The following OSBPL3 variants were observed in gnomAD, a reference collection of about 807,000 sequenced individuals.
The protein encoded by OSBPL3 is oxysterol binding protein like 3, also known as oxysterol-binding protein-related protein 3.
In OSBPL3, 65 loss-of-function variants were observed where a neutral mutation model predicts 120.1. The observed-to-expected ratio is 0.54, with a 90% CI of 0.44 to 0.67. The LOEUF (loss-of-function observed/expected upper bound fraction) is 0.67, where lower values mean the gene tolerates loss of function less well. OSBPL3 is among the 30% of genes least tolerant of loss of function. OSBPL3 has a pLI of 0.00. For missense variants in OSBPL3, 1,004 were observed against 1,082.1 expected, an observed-to-expected ratio of 0.93 and a Z score of 1.01; for synonymous variants, 416 against 402.6, an observed-to-expected ratio of 1.03 and a Z score of -0.40.
chr7:24,892,341 A>C (rs200161784), intron 2 of OSBPL3, 36 bp downstream of exon 2: 12 of 1,601,700 alleles, frequency 7.5e-6, no homozygotes, highest in Non-Finnish European at 1.0e-5. Context: ...GATGGCTTAC[A>C]TTTGCATATT....
At chr7:24,917,401 CATATATATATAT>C (rs59525014) in intron 1 of OSBPL3, among the ~76,000 whole-genome samples, 2 of 100,050 alleles carry the variant, frequency 2.0e-5, no homozygotes, top group South Asian at 4.5e-4. Flanking sequence ...ATATTTGTAA[CATATATATATAT>C]ATATATATAT....
chr7:24,854,044 T>C lies in OSBPL3; in HGVS notation c.1028-1410A>G, dbSNP rs1799505558. Among the ~76,000 whole-genome samples, 1 of 152,088 alleles carries C rather than the reference T, an allele frequency of 6.6e-6. No homozygotes were observed. Among genetic ancestry groups the C allele is most frequent in the Non-Finnish European group, 1.5e-5 (1 of 68,018 alleles). On this transcript the variant is annotated intron_variant, in intron 10 of 22. Transcript: ENST00000313367. The surrounding 1 kb of genome is among the most constrained non-coding windows in gnomAD (Gnocchi z 4.1). ...GGCCTCCAATGCCTGAACTGAAGTTTTAAAAAACATTAACACATACAGCAC... is the reference window on the plus strand; with the variant it reads ...GGCCTCCAATGCCTGAACTGAAGTTCTAAAAAACATTAACACATACAGCAC...
intron 15 of OSBPL3, among the ~76,000 whole-genome samples, chr7:24,832,052 A>T (rs535658081): frequency 1.1e-4 from 16 of 151,958 alleles, no homozygotes; most frequent in Non-Finnish European, 2.1e-4. Context: ...AAAAAATACA[A>T]AAGACATAGC....
intron 1 of OSBPL3, among the ~76,000 whole-genome samples, chr7:24,962,417 AGGGGAGGGGAGAGGAGAGAG>A (rs1815872246): frequency 2.8e-5 from 2 of 70,274 alleles, no homozygotes; most frequent in African/African-American, 1.1e-4. Flanking sequence ...AAGGGAGGGG[AGGGGAGGGGAGAGGAGAGAG>A]GAGGAGAGAG....
In OSBPL3 at chr7:24,979,652, G is replaced by A. The variant is rs111570984; in HGVS notation, c.-150+234C>T. Among the ~76,000 whole-genome samples, 29 of 152,204 alleles carry A rather than the reference G, an allele frequency of 1.9e-4. 1 individual carries two copies. Among genetic ancestry groups the A allele is most frequent in the African/African-American group, 6.5e-4 (27 of 41,538 alleles). The stretch of plus-strand genomic sequence containing the variant: ...CAATCCTCTGAGCCGTCCCTCGAGG[G>A]AAGGTGTCCTGGGGTGGGTGAGACC... On this transcript the variant is annotated intron_variant, in intron 1 of 22. Coordinates refer to ENST00000313367, the MANE Select transcript of OSBPL3 (RefSeq NM_015550.4).
chr7:24,893,091 A>T (rs539335389), intron 1 of OSBPL3, among the ~76,000 whole-genome samples: 2 of 152,346 alleles, frequency 1.3e-5, no homozygotes, highest in South Asian at 4.1e-4. Context: ...TAAACATAGA[A>T]TTATCATATG....
intron 1 of OSBPL3, among the ~76,000 whole-genome samples, chr7:24,920,373 G>C (rs1415309988): frequency 6.6e-6 from 1 of 152,148 alleles, no homozygotes; most frequent in Non-Finnish European, 1.5e-5. Flanking sequence ...CTAAGTGAAG[G>C]AGGACAGATT....
intron 17 of OSBPL3, 60 bp from the exon 18 acceptor site, chr7:24,816,748 C>T (rs961805620): frequency 5.7e-6 from 6 of 1,057,680 alleles, no homozygotes; most frequent in South Asian, 2.5e-5. Context: ...TGAAATAGTT[C>T]CTAGGCTAGA....
chr7:24,884,084 G>A (rs55757165), intron 2 of OSBPL3, among the ~76,000 whole-genome samples: 6,402 of 92,242 alleles, frequency 0.069, 153 homozygotes, highest in South Asian at 0.1. Context: ...AACAACAACA[G>A]CAACAACAAA....
At position 24,820,563 on chromosome 7, in the gene OSBPL3, A is replaced by G. The variant is rs575828779; in HGVS notation, c.1885-325T>C. Among the ~76,000 whole-genome samples, 5 of 152,338 alleles carry G rather than the reference A, an allele frequency of 3.3e-5. No homozygotes were observed. Among genetic ancestry groups the G allele is most frequent in the South Asian group, 4.1e-4 (2 of 4,830 alleles). On this transcript the variant is annotated intron_variant, in intron 16 of 22. Transcript: ENST00000313367. This position sits in a 1 kb window ranked among gnomAD's most constrained non-coding sequence, Gnocchi z 4.6. ...AAAATAAAAACGGAGACATGTGAGG[A>G]CTGCTCATCCATAACATATAATCTG...
chr7:24,947,932 G>A lies in OSBPL3; in HGVS notation c.-150+31954C>T, dbSNP rs146249390. Among the ~76,000 whole-genome samples, 2 of 152,096 alleles carry A rather than the reference G, an allele frequency of 1.3e-5. No homozygotes were observed. The highest frequency in any genetic ancestry group is 2.9e-5 in the Non-Finnish European group (2 of 68,010). On this transcript the variant is annotated intron_variant, in intron 1 of 22. Transcript: ENST00000313367. The surrounding 1 kb of genome is among the most constrained non-coding windows in gnomAD (Gnocchi z 4.4). ...TTCACTGTGTGCCAAAGATGCAAGA[G>A]ATTATATCACAGATTAAGCTTTAAG...
At chr7:24,861,872 T>G (rs1800589689) in intron 9 of OSBPL3, 103 bp from the exon 10 acceptor site, 2 of 791,538 alleles carry the variant, frequency 2.5e-6, no homozygotes, top group Non-Finnish European at 3.8e-6. Flanking sequence ...ACAAAACATT[T>G]TATAGGTAGG....
At position 24,806,624 on chromosome 7, in the gene OSBPL3, G is replaced by T; in HGVS notation, c.2444+152C>A. The T allele has an allele frequency of 1.6e-6, 1 of 631,904 alleles. No individual in the cohort carries two copies. The highest frequency in any genetic ancestry group is 2.7e-6 in the Non-Finnish European group (1 of 376,652). The allele number at this position is 631,904 out of a possible 1,614,324, so 39.1% of individuals were successfully genotyped here. A position where few individuals can be genotyped will look rare whatever the true frequency, so the allele number is the denominator to read the frequency against. On this transcript the variant is annotated intron_variant, in intron 21 of 22. Transcript: ENST00000313367. This position sits in a 1 kb window ranked among gnomAD's most constrained non-coding sequence, Gnocchi z 5.2. ...ATCCTAGTTGGGCCCCATCTCCTCC[G>T]TGATACAATTGTTTAAAGCATCCCC... is the stretch of plus-strand genomic sequence containing the variant.
At chr7:24,974,110 G>C (rs896004071) in intron 1 of OSBPL3, among the ~76,000 whole-genome samples, 1 of 151,858 alleles carries the variant, frequency 6.6e-6, no homozygotes. Context: ...GTTATCCTAC[G>C]GCGCTTCTCA....
Position 24,862,503 on chromosome 7 carries a change from T to C in OSBPL3, c.870+697A>G, listed in dbSNP as rs190265184. On this transcript the variant is annotated intron_variant, in intron 9 of 22. Coordinates refer to ENST00000313367, the MANE Select transcript of OSBPL3 (RefSeq NM_015550.4). This position sits in a 1 kb window ranked among gnomAD's most constrained non-coding sequence, Gnocchi z 4.4. Reference sequence around the variant, plus strand: ...TGACCTTCATTTGTACATGGAACATTCTTTACTTCCAAAGTGCTTATCTTC... The same window carrying C: ...TGACCTTCATTTGTACATGGAACATCCTTTACTTCCAAAGTGCTTATCTTC... Among the ~76,000 whole-genome samples the C allele has an allele frequency of 6.8e-4, 104 of 152,324 alleles. No individual in the cohort carries two copies. Among genetic ancestry groups the C allele is most frequent in the Admixed American group, 2.3e-3 (35 of 15,296 alleles).
rs143778263 is a variant in OSBPL3, at chr7:24,973,636, C to T, written c.-150+6250G>A. Among the ~76,000 whole-genome samples, 245 of 152,290 alleles carry T rather than the reference C, an allele frequency of 1.6e-3. 1 individual carries two copies. Among genetic ancestry groups the T allele is most frequent in the Middle Eastern group, 0.014 (4 of 294 alleles). ...ACTAAAGAAGCAATTCTTCACACTG[C>T]TATTCCATTTATTATTATAAAAGAA... On this transcript the variant is annotated intron_variant, in intron 1 of 22. Transcript: ENST00000313367.
In OSBPL3 at chr7:24,834,324, C is replaced by A; in HGVS notation, c.1746+162G>T. The A allele has an allele frequency of 6.8e-7, 1 of 1,464,656 alleles. No individual in the cohort carries two copies. Among genetic ancestry groups the A allele is most frequent in the Non-Finnish European group, 9.0e-7 (1 of 1,106,380 alleles). The allele number at this position is 1,464,656 out of a possible 1,614,324, so 90.7% of individuals were successfully genotyped here. The stretch of plus-strand genomic sequence containing the variant: ...ATCCTCACAAGGTGACTGGAAACAG[C>A]CAGGCGGAGGAAGCCAGACAGCTCT... On this transcript the variant is annotated intron_variant, in intron 15 of 22. Coordinates refer to ENST00000313367, the MANE Select transcript of OSBPL3 (RefSeq NM_015550.4). The surrounding 1 kb of genome is among the most constrained non-coding windows in gnomAD (Gnocchi z 5.2).
In OSBPL3 at chr7:24,898,112, T is replaced by A. The variant is rs1250889121; in HGVS notation, c.-149-5491A>T. Among the ~76,000 whole-genome samples, 1 of 152,248 alleles carries A rather than the reference T, an allele frequency of 6.6e-6. No individual in the cohort carries two copies. The highest frequency in any genetic ancestry group is 1.5e-5 in the Non-Finnish European group (1 of 68,046). On this transcript the variant is annotated intron_variant, in intron 1 of 22. Coordinates refer to ENST00000313367, the MANE Select transcript of OSBPL3 (RefSeq NM_015550.4). This position sits in a 1 kb window ranked among gnomAD's most constrained non-coding sequence, Gnocchi z 4.3. ...TCCAAGTTATGCATCTTTTTACAAA[T>A]GGTACCCTCTGAAACACCCTGATTT...
Position 24,815,434 on chromosome 7 carries a change from A to G in OSBPL3, c.2028-231T>C, listed in dbSNP as rs965200819. 6.6e-6 allele frequency among the ~76,000 whole-genome samples: 1 copy of G among 152,198 alleles called. No individual in the cohort carries two copies. The highest frequency in any genetic ancestry group is 2.4e-5 in the African/African-American group (1 of 41,450). ...CAGCATTCAGACTTTGCACTCTGGAAGCTACCAGAGGCTTCACTAGAAGCT... is the reference window on the plus strand; with the variant it reads ...CAGCATTCAGACTTTGCACTCTGGAGGCTACCAGAGGCTTCACTAGAAGCT... On this transcript the variant is annotated intron_variant, in intron 18 of 22. Coordinates refer to ENST00000313367, the MANE Select transcript of OSBPL3 (RefSeq NM_015550.4). This position sits in a 1 kb window ranked among gnomAD's most constrained non-coding sequence, Gnocchi z 5.1.
Sources: allele counts gnomAD v4.1 joint callset (sites outside exome capture counted in the v4.1 genomes callset), GRCh38; gene constraint gnomAD v4.1.1; non-coding constraint Gnocchi (gnomAD v3.1); transcripts MANE v1.5; gene names NCBI Gene and HGNC (gene_info 2026-07-23, HGNC 2026-07-21).